RYR3: variants seen among roughly 807,000 people sequenced by gnomAD.
RYR3 encodes the protein brain ryanodine receptor-calcium release channel.
A neutral mutation model predicts 584.3 loss-of-function variants in RYR3; 207 were observed. The ratio of observed to expected loss-of-function variants is 0.35; its 90% confidence interval spans 0.32 to 0.40. The LOEUF (loss-of-function observed/expected upper bound fraction) is 0.40. Among genes scored for constraint, RYR3 ranks in the 10% least tolerant of loss-of-function variants. RYR3 has a pLI of 1.00. For synonymous variants in RYR3, 2,416 were observed against 2,248.5 expected, an observed-to-expected ratio of 1.07 and a Z score of -2.11; for missense variants, 5,616 against 6,089.2, an observed-to-expected ratio of 0.92 and a Z score of 2.59.
chr15:33,789,690 TTTG>T (rs2075021081), intron 67 of RYR3, among the ~76,000 whole-genome samples: 3 of 86,418 alleles, frequency 3.5e-5, no homozygotes, highest in African/African-American at 1.3e-4. Flanking sequence ...TTTTTTTTTT[TTTG>T]AGACGGAGTC....
chr15:33,435,657 C>T (rs1374776405), intron 1 of RYR3, among the ~76,000 whole-genome samples: 1 of 152,164 alleles, frequency 6.6e-6, no homozygotes, highest in African/African-American at 2.4e-5. Context: ...ATGAAGCCAC[C>T]GACCTCAAGC....
chr15:33,854,449 C>G lies in RYR3; in HGVS notation c.13860C>G (p.Asn4620Lys), dbSNP rs567024433. Residue 4620 changes from asparagine (N) to lysine (K), a missense_variant and splice_region_variant, in exon 97 of 104, where the codon AAC (asparagine) becomes AAG (lysine). By Grantham distance (94) the Asn-to-Lys change is moderately conservative. Coordinates refer to ENST00000634891, the MANE Select transcript of RYR3 (RefSeq NM_001036.6). ...IWKLGVVFTD[N>K]SFLYLAWYTT... is the part of the protein sequence containing the mutation. ...AGCTTGGAGTTGTTTTTACTGACAA[C>G]GTAAGTACTGCACCTGGAAAAACAA... 15 of 1,567,352 alleles carry G rather than the reference C, an allele frequency of 9.6e-6. No homozygotes were observed. The highest frequency in any genetic ancestry group is 1.3e-5 in the Non-Finnish European group (15 of 1,155,472).
intron 1 of RYR3, among the ~76,000 whole-genome samples, chr15:33,404,370 T>G (rs1482591888): frequency 6.6e-6 from 1 of 152,226 alleles, no homozygotes; most frequent in Non-Finnish European, 1.5e-5. Context: ...TCAGAGCTGT[T>G]AAGTAACTTG....
At chr15:33,674,740 G>A (rs1320803520) in intron 38 of RYR3, among the ~76,000 whole-genome samples, 1 of 151,048 alleles carries the variant, frequency 6.6e-6, no homozygotes, top group Non-Finnish European at 1.5e-5. Context: ...GAAATTGTCT[G>A]TGAAGAATGT....
At chr15:33,604,194 C>T (rs985898798) in intron 18 of RYR3, among the ~76,000 whole-genome samples, 1 of 152,218 alleles carries the variant, frequency 6.6e-6, no homozygotes, top group African/African-American at 2.4e-5. Context: ...GTGCCCGTTA[C>T]ATAAGTAACC....
At chr15:33,807,215 A>G (rs1484715711) in intron 69 of RYR3, among the ~76,000 whole-genome samples, 1 of 152,186 alleles carries the variant, frequency 6.6e-6, no homozygotes, top group Non-Finnish European at 1.5e-5. Flanking sequence ...GGAGGGAGGT[A>G]GAAGGGGCAA....
intron 93 of RYR3, among the ~76,000 whole-genome samples, chr15:33,846,556 C>T (rs751887888): frequency 1.3e-5 from 2 of 152,196 alleles, no homozygotes; most frequent in Admixed American, 1.3e-4. Context: ...AGCAAGCCAT[C>T]TTCTTCCCAG....
intron 1 of RYR3, among the ~76,000 whole-genome samples, chr15:33,334,871 T>C (rs1970774098): frequency 6.6e-6 from 1 of 150,816 alleles, no homozygotes; most frequent in Non-Finnish European, 1.5e-5. Context: ...GCAAAGCACA[T>C]GAACAGACGC....
chr15:33,518,802 C>T (rs1567430698), intron 3 of RYR3, among the ~76,000 whole-genome samples: 1 of 152,164 alleles, frequency 6.6e-6, no homozygotes, highest in Non-Finnish European at 1.5e-5. Context: ...TGGAAAGCAG[C>T]CATGCGAAAA....
chr15:33,332,936 G>A (rs528711960), intron 1 of RYR3, among the ~76,000 whole-genome samples: 4 of 151,976 alleles, frequency 2.6e-5, no homozygotes, highest in East Asian at 3.9e-4. Flanking sequence ...TTTGTAGCAC[G>A]AAATCAATCA....
chr15:33,601,582 A>G, intron 17 of RYR3, 30 bp downstream of exon 17: 1 of 1,612,586 alleles, frequency 6.2e-7, no homozygotes, highest in Non-Finnish European at 8.5e-7. Flanking sequence ...TCCAAATGCC[A>G]AGCATAGTTC....
chr15:33,379,214 G>A (rs377111540), intron 1 of RYR3, among the ~76,000 whole-genome samples: 1 of 152,120 alleles, frequency 6.6e-6, no homozygotes. Flanking sequence ...CTGATTTCCT[G>A]TGATACTGTA....
At position 33,785,863 on chromosome 15, in the gene RYR3, C is replaced by T; in HGVS notation, c.9470C>T (p.Thr3157Ile). 6.2e-7 allele frequency: 1 copy of T among 1,613,950 alleles called. No homozygotes were observed. The highest frequency in any genetic ancestry group is 8.5e-7 in the Non-Finnish European group (1 of 1,179,878). ...ERGPENLPPS[T>I]GPCCTKVTSE... is the part of the protein sequence containing the mutation. The stretch of plus-strand genomic sequence containing the variant: ...GGTCCTGAGAACCTGCCCCCCAGCA[C>T]AGGGCCATGCTGCACCAAGGTCACC... Residue 3157 changes from threonine to isoleucine, a missense_variant, in exon 66 of 104, where the codon ACA becomes ATA. Coordinates refer to ENST00000634891, the MANE Select transcript of RYR3 (RefSeq NM_001036.6).
intron 60 of RYR3, among the ~76,000 whole-genome samples, chr15:33,768,222 C>A (rs1347311931): frequency 6.6e-6 from 1 of 152,224 alleles, no homozygotes; most frequent in African/African-American, 2.4e-5. Flanking sequence ...AACCTCCCAA[C>A]TAAAACTTCA....
chr15:33,419,585 G>T (rs556828396), intron 1 of RYR3, among the ~76,000 whole-genome samples: 1 of 152,228 alleles, frequency 6.6e-6, no homozygotes, highest in East Asian at 1.9e-4. Flanking sequence ...CTGCTGACAG[G>T]CTCTGTCAAA....
chr15:33,860,515 C>A, intron 100 of RYR3, 80 bp from the exon 101 acceptor site: 11 of 783,816 alleles, frequency 1.4e-5, no homozygotes, highest in Admixed American at 3.2e-5. Context: ...TTTAACAGAA[C>A]AAAGTAGCTT....
rs80085959 is a variant in RYR3, at chr15:33,656,562, G to A, written c.4309-3158G>A. On this transcript the variant is annotated intron_variant, in intron 32 of 103. Transcript: ENST00000634891. Reference sequence around the variant, plus strand: ...ACAACACACATTATTTCAGAGTTCCGCAGGCTTGACTGGGTACTCAGATTC... The same window carrying A: ...ACAACACACATTATTTCAGAGTTCCACAGGCTTGACTGGGTACTCAGATTC... Among the ~76,000 whole-genome samples the A allele has an allele frequency of 2.7e-3, 409 of 152,176 alleles. 8 individuals are homozygous for A. The East Asian group carries it at 0.066, about 24-fold the overall frequency.
In RYR3 at chr15:33,836,927, C is replaced by T; in HGVS notation, c.11590C>T (p.Leu3864=). Residue 3864 remains leucine, a synonymous_variant, in exon 88 of 104, where the codon CTG becomes TTG. Coordinates refer to ENST00000634891, the MANE Select transcript of RYR3 (RefSeq NM_001036.6). ...LSQDSSQIEL[L]KELLDLLQDM... is the part of the protein sequence containing the mutation. ...CTAGGATTCCAGTCAGATCGAGCTG[C>T]TGAAGGAACTCTTGGATCTCCTTCA... 6.2e-7 allele frequency: 1 copy of T among 1,613,598 alleles called. No homozygotes were observed. The highest frequency in any genetic ancestry group is 8.5e-7 in the Non-Finnish European group (1 of 1,179,798).
intron 3 of RYR3, among the ~76,000 whole-genome samples, chr15:33,523,247 C>A (rs183137522): frequency 2.0e-5 from 3 of 152,090 alleles, no homozygotes; most frequent in Admixed American, 2.0e-4. Flanking sequence ...GCTGGCCACC[C>A]GAGCCAGCAG....
Sources: allele counts gnomAD v4.1 joint callset (sites outside exome capture counted in the v4.1 genomes callset), GRCh38; gene constraint gnomAD v4.1.1; transcripts MANE v1.5; gene names NCBI Gene and HGNC (gene_info 2026-07-23, HGNC 2026-07-21).